CUX2: variants seen among roughly 807,000 people sequenced by gnomAD.
CUX2 encodes homeobox protein cut-like 2.
A neutral mutation model predicts 144.8 loss-of-function variants in CUX2; 40 were observed. The ratio of observed to expected loss-of-function variants is 0.28; its 90% CI spans 0.21 to 0.36. CUX2 has a LOEUF of 0.36. Among genes scored for constraint, CUX2 ranks in the 10% least tolerant of loss-of-function variants. The probability of loss-of-function intolerance (pLI) is 1.00; values close to 1 mark genes in which losing one functional copy is unlikely to be tolerated. For synonymous variants in CUX2, 827 were observed against 875.6 expected (o/e 0.94, Z 0.98); for missense variants, 1,615 against 1,994.0 (o/e 0.81, Z 3.62).
chr12:111,200,058 G>A (rs771436950), intron 1 of CUX2, among the ~76,000 whole-genome samples: 19 of 152,270 alleles, frequency 1.2e-4, no homozygotes, highest in Non-Finnish European at 1.9e-4. Flanking sequence ...AAGTCTCCTC[G>A]GGTTGCGGGG....
At chr12:111,219,450 C>A (rs1180116093) in intron 3 of CUX2, among the ~76,000 whole-genome samples, 1 of 152,044 alleles carries the variant, frequency 6.6e-6, no homozygotes, top group African/African-American at 2.4e-5. Context: ...GCTCAGCACA[C>A]AAGCTCCCTA....
chr12:111,226,286 G>C (rs576977801), intron 3 of CUX2, among the ~76,000 whole-genome samples: 5 of 152,282 alleles, frequency 3.3e-5, no homozygotes, highest in Admixed American at 3.3e-4. Flanking sequence ...TCCTTTGATG[G>C]TGCATGCTCC....
intron 1 of CUX2, among the ~76,000 whole-genome samples, chr12:111,154,339 G>A (rs563256211): frequency 2.2e-3 from 329 of 152,200 alleles, no homozygotes; most frequent in Non-Finnish European, 3.4e-3. Flanking sequence ...CTTCAGATCC[G>A]AGTTCACATG....
intron 4 of CUX2, among the ~76,000 whole-genome samples, chr12:111,265,293 ATTTTATTTTATTTTAT>A (rs1260145569): frequency 1.4e-5 from 2 of 146,908 alleles, no homozygotes; most frequent in African/African-American, 5.2e-5. Context: ...AGCTTCCCCT[ATTTTATTTTATTTTAT>A]TTTTATTTTA....
rs768144991 is a variant in CUX2, at chr12:111,310,143, C to T, written c.1361C>T (p.Pro454Leu). 57 of 1,535,432 alleles carry T rather than the reference C, an allele frequency of 3.7e-5. No individual in the cohort carries two copies. The East Asian group carries it at 1.3e-3, about 35-fold the overall frequency. ...CCACCTCCACCAGGGCCAGAAGACC[C>T]CCTGTCTCCCAGCCCCGGGCAGCCC... ...QLPPPPGPED[P>L]LSPSPGQPLL... The change falls in exon 15 of 22, where the codon CCC (proline) becomes CTC (leucine). Residue 454 changes from proline (P) to leucine (L), a missense_variant. Pro to Leu is a moderately conservative substitution (Grantham distance 98). Around this residue, in one of 12 missense-constraint regions of CUX2, gnomAD observed 154 missense variants for 148.4 expected, o/e 1.04. Coordinates refer to ENST00000261726, the MANE Select transcript of CUX2 (RefSeq NM_015267.4). This position sits in a 1 kb window ranked among gnomAD's most constrained non-coding sequence, Gnocchi z 7.9.
chr12:111,106,715 G>T (rs1286204450), intron 1 of CUX2, among the ~76,000 whole-genome samples: 4 of 152,236 alleles, frequency 2.6e-5, no homozygotes, highest in African/African-American at 9.6e-5. Flanking sequence ...GGCCTTGAAT[G>T]ATGACACTTC....
chr12:111,147,430 C>T (rs948372004), intron 1 of CUX2, among the ~76,000 whole-genome samples: 1 of 152,192 alleles, frequency 6.6e-6, no homozygotes, highest in South Asian at 2.1e-4. Context: ...CCCCACTGCC[C>T]GCCAGGCTCC....
At chr12:111,216,431 C>T (rs961825023) in intron 2 of CUX2, among the ~76,000 whole-genome samples, 4 of 152,216 alleles carry the variant, frequency 2.6e-5, no homozygotes, top group African/African-American at 9.6e-5. Flanking sequence ...TCTGTAAAGT[C>T]TTTCGAACTT....
intron 1 of CUX2, among the ~76,000 whole-genome samples, chr12:111,078,213 A>T (rs140918967): frequency 9.5e-4 from 144 of 152,334 alleles, no homozygotes; most frequent in African/African-American, 3.3e-3. Flanking sequence ...GGATGAGCCG[A>T]CATTGAGAGA....
chr12:111,279,662 T>G (rs902889977), intron 4 of CUX2, among the ~76,000 whole-genome samples: 7 of 152,086 alleles, frequency 4.6e-5, no homozygotes, highest in African/African-American at 1.7e-4. Context: ...CCCTCCAGTC[T>G]GGGCAACAGA....
intron 1 of CUX2, among the ~76,000 whole-genome samples, chr12:111,195,379 GAAAAA>G (rs11285650): frequency 6.7e-6 from 1 of 148,386 alleles, no homozygotes; most frequent in Admixed American, 6.7e-5. Flanking sequence ...ACCCCTAGGA[GAAAAA>G]AAAAAGAAAC....
At chr12:111,244,502 C>T (rs1255834839) in intron 3 of CUX2, among the ~76,000 whole-genome samples, 1 of 152,248 alleles carries the variant, frequency 6.6e-6, no homozygotes, top group Non-Finnish European at 1.5e-5. Context: ...GAGCAAGTTC[C>T]GTTACCTCTA....
At chr12:111,231,998 C>T (rs935531532) in intron 3 of CUX2, among the ~76,000 whole-genome samples, 3 of 151,848 alleles carry the variant, frequency 2.0e-5, no homozygotes, top group East Asian at 1.9e-4. Context: ...CTCAACTACT[C>T]GAGAGGCTGA....
In CUX2 at chr12:111,347,962, G is replaced by A. The variant is rs1463941982; in HGVS notation, c.4098G>A (p.Glu1366=). 1 of 1,614,118 alleles carries A rather than the reference G, an allele frequency of 6.2e-7. No homozygotes were observed. Among genetic ancestry groups the A allele is most frequent in the Non-Finnish European group, 8.5e-7 (1 of 1,180,028 alleles). The part of the protein sequence containing the change: ...PDCPSLHPQQ[E]SEAGERLHPD... ...GTCCCTCACTTCATCCCCAACAGGAGAGTGAGGCCGGGGAGCGACTTCACC... is the reference window on the plus strand; with the variant it reads ...GTCCCTCACTTCATCCCCAACAGGAAAGTGAGGCCGGGGAGCGACTTCACC... The change falls in exon 22 of 22, where the codon GAG becomes GAA. Residue 1366 remains glutamate (E), a synonymous_variant. Coordinates refer to ENST00000261726, the MANE Select transcript of CUX2 (RefSeq NM_015267.4).
chr12:111,312,045 C>G lies in CUX2; in HGVS notation c.1901-55C>G, dbSNP rs961496309. The G allele has an allele frequency of 6.6e-7, 1 of 1,511,520 alleles. No homozygotes were observed. Among genetic ancestry groups the G allele is most frequent in the African/African-American group, 1.4e-5 (1 of 72,572 alleles). 93.6% of individuals were successfully genotyped at this position (1,511,520 alleles called of 1,614,324 possible). On this transcript the variant is annotated intron_variant, in intron 15 of 21. Transcript: ENST00000261726. The surrounding 1 kb of genome is among the most constrained non-coding windows in gnomAD (Gnocchi z 4.3). ...ACAGCCCCCCTACCCCACCAGGCTC[C>G]GGAGACTGAGCCCAACATGCAGATC...
intron 1 of CUX2, among the ~76,000 whole-genome samples, chr12:111,177,254 G>C (rs1295723491): frequency 6.6e-6 from 1 of 152,096 alleles, no homozygotes; most frequent in Admixed American, 6.5e-5. Context: ...GAGAGCCTGA[G>C]ACCCCAAAAG....
At chr12:111,122,947 T>G (rs907682572) in intron 1 of CUX2, among the ~76,000 whole-genome samples, 2 of 152,220 alleles carry the variant, frequency 1.3e-5, no homozygotes, top group Admixed American at 1.3e-4. Context: ...CTTTGATATT[T>G]ACAGTTTTTA....
chr12:111,056,378 T>G (rs912281037), intron 1 of CUX2, among the ~76,000 whole-genome samples: 3 of 152,210 alleles, frequency 2.0e-5, no homozygotes, highest in Non-Finnish European at 4.4e-5. Flanking sequence ...TAGCTGTGGC[T>G]TCATCTGGGC....
intron 1 of CUX2, among the ~76,000 whole-genome samples, chr12:111,070,022 G>A (rs1389839264): frequency 6.6e-6 from 1 of 152,150 alleles, no homozygotes; most frequent in Non-Finnish European, 1.5e-5. Flanking sequence ...GCTGCATGGG[G>A]GATGCCGGCC....
Sources: allele counts gnomAD v4.1 joint callset (sites outside exome capture counted in the v4.1 genomes callset), GRCh38; gene constraint gnomAD v4.1.1; regional missense constraint gnomAD v4.1.1; non-coding constraint Gnocchi (gnomAD v3.1); transcripts MANE v1.5; gene names NCBI Gene and HGNC (gene_info 2026-07-23, HGNC 2026-07-21).